Variants in KCNG2 observed in about 807,000 individuals in gnomAD.
KCNG2 encodes the protein voltage-gated potassium channel regulatory subunit KCNG2.
A neutral mutation model predicts 12.3 loss-of-function variants in KCNG2; 7 were observed. That is an observed-to-expected ratio of 0.57 (90% CI 0.32 to 1.07). KCNG2 has a LOEUF of 1.07. KCNG2 is among the 50% of genes least tolerant of loss of function. The pLI, the probability that KCNG2 is intolerant of heterozygous loss-of-function variation, is 0.04. For synonymous variants in KCNG2, 414 were observed against 351.4 expected (o/e 1.18, Z -1.99); for missense variants, 703 against 726.0 (o/e 0.97, Z 0.36).
chr18:79,826,540 AAG>A (rs869059722), intron 1 of KCNG2, among the ~76,000 whole-genome samples: 3 of 144,772 alleles, frequency 2.1e-5, no homozygotes, highest in African/African-American at 5.1e-5. Flanking sequence ...CGTTCAGTGA[AAG>A]AACTGAGTGA....
At chr18:79,815,672 A>C (rs904832647) in intron 1 of KCNG2, among the ~76,000 whole-genome samples, 3 of 152,198 alleles carry the variant, frequency 2.0e-5, no homozygotes, top group Non-Finnish European at 4.4e-5. Context: ...CTCCCTTGCT[A>C]AACCATTCTG....
chr18:79,885,312 T>C (rs1980481936), intron 3 of KCNG2, among the ~76,000 whole-genome samples: 1 of 152,190 alleles, frequency 6.6e-6, no homozygotes, highest in African/African-American at 2.4e-5. Context: ...ACGTAGACTT[T>C]TTTTCTGACC....
intron 1 of KCNG2, among the ~76,000 whole-genome samples, chr18:79,811,815 TAAC>T (rs2087496219): frequency 6.6e-6 from 1 of 152,090 alleles, no homozygotes; most frequent in Non-Finnish European, 1.5e-5. Context: ...CTGAAATATA[TAAC>T]AACAGTTTTT....
At chr18:79,892,762 CCATT>C (rs1980790859) in intron 3 of KCNG2, among the ~76,000 whole-genome samples, 1 of 150,928 alleles carries the variant, frequency 6.6e-6, no homozygotes, top group African/African-American at 2.4e-5. Context: ...GTTGTTCACT[CCATT>C]CAAAATGATT....
intron 3 of KCNG2, among the ~76,000 whole-genome samples, chr18:79,866,453 AG>A (rs1979555883): frequency 1.4e-5 from 1 of 73,954 alleles, no homozygotes; most frequent in Non-Finnish European, 2.6e-5. Context: ...GGGTGCTGAG[AG>A]TGTGGGTGCT....
In KCNG2 at chr18:79,863,685, C is replaced by G; in HGVS notation, c.18C>G (p.Cys6Trp). 8.4e-7 allele frequency: 1 copy of G among 1,189,654 alleles called. No individual in the cohort carries two copies. Among genetic ancestry groups the G allele is most frequent in the Non-Finnish European group, 1.0e-6 (1 of 961,768 alleles). 73.7% of individuals were successfully genotyped at this position (1,189,654 alleles called of 1,614,324 possible). Residue 6 changes from cysteine to tryptophan, a missense_variant, in exon 3 of 4, where the codon TGC (cysteine) becomes TGG (tryptophan). Transcript: ENST00000316249. MEPWP[C>W]SPGGGGGTRA... The stretch of plus-strand genomic sequence containing the variant: ...CCCTGCGCATGGAGCCATGGCCCTG[C>G]TCCCCGGGCGGCGGCGGCGGGACCC...
At chr18:79,812,594 C>T (rs1448557928) in intron 1 of KCNG2, among the ~76,000 whole-genome samples, 1 of 152,222 alleles carries the variant, frequency 6.6e-6, no homozygotes, top group East Asian at 1.9e-4. Flanking sequence ...GGCCTGGTGG[C>T]TCACGCCTGT....
At chr18:79,842,734 T>C (rs1347892482) in intron 1 of KCNG2, among the ~76,000 whole-genome samples, 1 of 152,126 alleles carries the variant, frequency 6.6e-6, no homozygotes, top group African/African-American at 2.4e-5. Flanking sequence ...GAAAAATCCA[T>C]AGAGATTTCA....
chr18:79,850,178 A>G (rs1978769874), intron 1 of KCNG2, among the ~76,000 whole-genome samples: 1 of 152,190 alleles, frequency 6.6e-6, no homozygotes, highest in African/African-American at 2.4e-5. Flanking sequence ...GTCTAATCAC[A>G]TGCATGGATA....
chr18:79,893,238 C>T (rs1184468802), intron 3 of KCNG2, among the ~76,000 whole-genome samples: 1 of 144,014 alleles, frequency 6.9e-6, no homozygotes, highest in African/African-American at 2.6e-5. Context: ...ATTGATATAG[C>T]TGGGTCTGTG....
intron 3 of KCNG2, among the ~76,000 whole-genome samples, chr18:79,869,161 A>C (rs1043581079): frequency 2.6e-5 from 4 of 152,104 alleles, no homozygotes; most frequent in African/African-American, 9.7e-5. Flanking sequence ...GGTCTCCTGG[A>C]TACCTCGGAG....
Position 79,800,993 on chromosome 18 carries a change from G to A in KCNG2, c.-115+2979G>A, listed in dbSNP as rs151338475. On this transcript the variant is annotated intron_variant, in intron 1 of 3. Coordinates refer to ENST00000316249, the MANE Select transcript of KCNG2 (RefSeq NM_012283.2). The surrounding 1 kb of genome is among the most constrained non-coding windows in gnomAD (Gnocchi z 4.0). ...CAACAGTCTGGCCACGAGGAGCTCC[G>A]TGCTGTTGAGGCACTGTGAACTATC... is the stretch of plus-strand genomic sequence containing the variant. Among the ~76,000 whole-genome samples, 286 of 152,320 alleles carry A rather than the reference G, an allele frequency of 1.9e-3. 1 individual carries two copies. Among genetic ancestry groups the A allele is most frequent in the African/African-American group, 6.6e-3 (273 of 41,578 alleles).
At chr18:79,880,604 G>T (rs1980256962) in intron 3 of KCNG2, among the ~76,000 whole-genome samples, 1 of 152,114 alleles carries the variant, frequency 6.6e-6, no homozygotes, top group African/African-American at 2.4e-5. Context: ...CTCATTCCAA[G>T]AGGCCAATAC....
At chr18:79,865,393 G>A (rs1355969521) in intron 3 of KCNG2, among the ~76,000 whole-genome samples, 41 of 138,058 alleles carry the variant, frequency 3.0e-4, no homozygotes, top group African/African-American at 1.2e-3. Context: ...GCTGAGGTGT[G>A]GGTGCTGAGA....
Position 79,822,818 on chromosome 18 carries a change from AT to A in KCNG2, c.-115+24808del, listed in dbSNP as rs1335300994. On this transcript the variant is annotated intron_variant, in intron 1 of 3. Transcript: ENST00000316249. The surrounding 1 kb of genome is among the most constrained non-coding windows in gnomAD (Gnocchi z 4.4). Reference sequence around the variant, plus strand: ...TAGCCTCCGGATTTCATGGAAACACATTTTCCACAATTACCTGGGAGAGCCC... The same window carrying A: ...TAGCCTCCGGATTTCATGGAAACACATTTCCACAATTACCTGGGAGAGCCC... Among the ~76,000 whole-genome samples the A allele has an allele frequency of 1.3e-5, 2 of 151,920 alleles. No homozygotes were observed. The highest frequency in any genetic ancestry group is 2.9e-5 in the Non-Finnish European group (2 of 67,970).
At chr18:79,836,691 C>G (rs1246634539) in intron 1 of KCNG2, among the ~76,000 whole-genome samples, 1 of 152,148 alleles carries the variant, frequency 6.6e-6, no homozygotes, top group Admixed American at 6.5e-5. Flanking sequence ...CTTCACATGG[C>G]TGCAGGAGAG....
intron 3 of KCNG2, among the ~76,000 whole-genome samples, chr18:79,867,489 C>G (rs1599410350): frequency 3.7e-5 from 1 of 26,792 alleles, no homozygotes; most frequent in Non-Finnish European, 8.7e-5. Context: ...TGTGTCGTGT[C>G]TGGGGGGGGG....
In KCNG2 at chr18:79,855,968, C is replaced by T. The variant is rs534246276; in HGVS notation, c.-114-411C>T. Reference sequence around the variant, plus strand: ...GGCCCATTTTTTCTATTGAGCTGTGCGTTGTCTTTCTTTTTCTGACGTTTT... The same window carrying T: ...GGCCCATTTTTTCTATTGAGCTGTGTGTTGTCTTTCTTTTTCTGACGTTTT... On this transcript the variant is annotated intron_variant, in intron 1 of 3. Coordinates refer to ENST00000316249, the MANE Select transcript of KCNG2 (RefSeq NM_012283.2). 5.3e-5 allele frequency among the ~76,000 whole-genome samples: 8 copies of T among 152,194 alleles called. No individual in the cohort carries two copies. In the South Asian group the frequency reaches 1.0e-3, roughly 20 times the overall value.
intron 1 of KCNG2, among the ~76,000 whole-genome samples, chr18:79,799,082 C>T (rs1454840746): frequency 2.0e-5 from 3 of 152,242 alleles, no homozygotes; most frequent in Non-Finnish European, 4.4e-5. Flanking sequence ...CCCCCCTTCT[C>T]TGCCTGCAGA....
Sources: allele counts gnomAD v4.1 joint callset (sites outside exome capture counted in the v4.1 genomes callset), GRCh38; gene constraint gnomAD v4.1.1; non-coding constraint Gnocchi (gnomAD v3.1); transcripts MANE v1.5; gene names NCBI Gene and HGNC (gene_info 2026-07-23, HGNC 2026-07-21).